Variants in HCN1 observed in about 807,000 individuals in gnomAD.
HCN1 encodes the protein potassium/sodium hyperpolarization-activated cyclic nucleotide-gated channel 1.
Under a neutral mutation model 78.9 loss-of-function variants are expected in HCN1, and 13 were observed. The ratio of observed to expected loss-of-function variants is 0.16; its 90% CI spans 0.11 to 0.26. The LOEUF (loss-of-function observed/expected upper bound fraction) is 0.26, where lower values mean the gene tolerates loss of function less well. HCN1 is among the 10% of genes least tolerant of loss of function. HCN1 has a pLI of 1.00. For synonymous variants in HCN1, 552 were observed against 455.5 expected (o/e 1.21, Z -2.70); for missense variants, 810 against 1,154.3 (o/e 0.70, Z 4.32).
At chr5:45,512,039 A>G (rs1170248737) in intron 2 of HCN1, among the ~76,000 whole-genome samples, 1 of 152,122 alleles carries the variant, frequency 6.6e-6, no homozygotes, top group Admixed American at 6.6e-5. Context: ...AGTTAAGGAT[A>G]AGATTATTCA....
intron 1 of HCN1, among the ~76,000 whole-genome samples, chr5:45,663,028 G>T (rs1215293256): frequency 6.9e-6 from 1 of 145,500 alleles, no homozygotes; most frequent in African/African-American, 2.6e-5. Flanking sequence ...AACAAAGCTG[G>T]AGGCATCACA....
At position 45,258,834 on chromosome 5, in the gene HCN1, C is replaced by T. The variant is rs1744673860; in HGVS notation, c.*3087G>A. 2 of 151,656 alleles carry T rather than the reference C, an allele frequency of 1.3e-5. No homozygotes were observed. Among genetic ancestry groups the T allele is most frequent in the Admixed American group, 6.6e-5 (1 of 15,226 alleles). 9.4% of individuals were successfully genotyped at this position (151,656 alleles called of 1,614,324 possible). On this transcript the variant is annotated 3_prime_UTR_variant, in exon 8 of 8. Transcript: ENST00000303230. ...TAGGTATGTTATAAAACTATTATAA[C>T]AAAATAGGTATGTCATAGAACTATT...
intron 1 of HCN1, among the ~76,000 whole-genome samples, chr5:45,667,755 TTA>T (rs1398095415): frequency 6.6e-6 from 1 of 151,962 alleles, no homozygotes; most frequent in Admixed American, 6.6e-5. Context: ...AGCTCTCTTG[TTA>T]TGTTTCAACT....
chr5:45,350,004 A>T (rs1000346481), intron 5 of HCN1, among the ~76,000 whole-genome samples: 7 of 152,188 alleles, frequency 4.6e-5, no homozygotes, highest in African/African-American at 1.7e-4. Context: ...AAAAGAGGGA[A>T]TCCTCCCTAA....
chr5:45,577,388 G>A (rs1743968644), intron 2 of HCN1, among the ~76,000 whole-genome samples: 1 of 151,892 alleles, frequency 6.6e-6, no homozygotes, highest in African/African-American at 2.4e-5. Context: ...TCAAAATGGG[G>A]AATTAGCTGT....
At position 45,695,989 on chromosome 5, in the gene HCN1, GGCCGCGGCCGGCCCCGCGCCC is replaced by G. The variant is rs1561248653; in HGVS notation, c.84_104del (p.Gly29_Ala35del). On this transcript the variant is annotated inframe_deletion, in exon 1 of 8. Coordinates refer to ENST00000303230, the MANE Select transcript of HCN1 (RefSeq NM_021072.4). ...CCGGCGGGGTGCCCAGGCGCTTCTCGGCCGCGGCCGGCCCCGCGCCCGTCGCGGACGCCTTGGCGGGGAAGA... is the reference window on the plus strand; with the variant it reads ...CCGGCGGGGTGCCCAGGCGCTTCTCGGTCGCGGACGCCTTGGCGGGGAAGA... 1 of 1,292,646 alleles carries G rather than the reference GGCCGCGGCCGGCCCCGCGCCC, an allele frequency of 7.7e-7. No homozygotes were observed. The highest frequency in any genetic ancestry group is 3.5e-5 in the Admixed American group (1 of 28,360). 80.1% of individuals were successfully genotyped at this position (1,292,646 alleles called of 1,614,324 possible). A position where few individuals can be genotyped will look rare whatever the true frequency, so the allele number is the denominator to read the frequency against.
intron 5 of HCN1, among the ~76,000 whole-genome samples, chr5:45,332,163 C>T (rs560015103): frequency 1.3e-5 from 2 of 151,296 alleles, no homozygotes; most frequent in South Asian, 2.1e-4. Flanking sequence ...CTAGCACAGG[C>T]ATCTTTCTAA....
intron 4 of HCN1, among the ~76,000 whole-genome samples, chr5:45,379,192 G>A (rs1034367656): frequency 2.6e-5 from 4 of 152,002 alleles, no homozygotes; most frequent in African/African-American, 7.2e-5. Context: ...TTGAGGAATC[G>A]CCACACTGTC....
chr5:45,497,309 G>A (rs1376334789), intron 2 of HCN1, among the ~76,000 whole-genome samples: 1 of 152,122 alleles, frequency 6.6e-6, no homozygotes, highest in Non-Finnish European at 1.5e-5. Flanking sequence ...GGGTGTTAAA[G>A]TCTCCCATTA....
chr5:45,695,565 C>T, intron 1 of HCN1, 104 bp downstream of exon 1: 3 of 1,192,572 alleles, frequency 2.5e-6, no homozygotes, highest in Non-Finnish European at 3.6e-6. Flanking sequence ...GCGCCACCCC[C>T]CGCCCGCCCT....
intron 2 of HCN1, among the ~76,000 whole-genome samples, chr5:45,602,613 G>A (rs1415722974): frequency 6.6e-6 from 1 of 152,044 alleles, no homozygotes; most frequent in Non-Finnish European, 1.5e-5. Flanking sequence ...TGAGAATATT[G>A]CTGCTTCTTA....
At chr5:45,416,526 A>C (rs895757708) in intron 3 of HCN1, among the ~76,000 whole-genome samples, 1 of 152,032 alleles carries the variant, frequency 6.6e-6, no homozygotes, top group Non-Finnish European at 1.5e-5. Flanking sequence ...CTGACATTGA[A>C]AGTAAAAAGT....
rs1478297290 is a variant in HCN1, at chr5:45,303,639, G to T, written c.1578C>A (p.Ser526=). Reference sequence around the variant, plus strand: ...CATCTGTCAGCTTCATTTCTTTACTGGATTTTGTAATGACACCAGCAACAC... The same window carrying T: ...CATCTGTCAGCTTCATTTCTTTACTTGATTTTGTAATGACACCAGCAACAC... ...QHGVAGVITK[S]SKEMKLTDGS... is the part of the protein sequence containing the mutation. The change falls in exon 6 of 8, where the codon TCC becomes TCA. Residue 526 remains serine (S), a synonymous_variant. Transcript: ENST00000303230. 13 of 1,613,174 alleles carry T rather than the reference G, an allele frequency of 8.1e-6. No homozygotes were observed. Among genetic ancestry groups the T allele is most frequent in the Non-Finnish European group, 1.1e-5 (13 of 1,179,602 alleles).
Position 45,306,483 on chromosome 5 carries a change from C to G in HCN1, c.1378-2644G>C, listed in dbSNP as rs960838724. On this transcript the variant is annotated intron_variant, in intron 5 of 7. Coordinates refer to ENST00000303230, the MANE Select transcript of HCN1 (RefSeq NM_021072.4). ...TCTATTAATGTTTTCTTCCTTCATG[C>G]AACTTTTACTTCCCAGGAGTATTAC... 2.1e-4 allele frequency among the ~76,000 whole-genome samples: 32 copies of G among 151,980 alleles called. 1 individual carries two copies. Among genetic ancestry groups the G allele is most frequent in the Admixed American group, 2.1e-3 (32 of 15,236 alleles).
intron 2 of HCN1, among the ~76,000 whole-genome samples, chr5:45,562,343 G>GA (rs368906153): frequency 1.1e-4 from 17 of 152,130 alleles, no homozygotes; most frequent in African/African-American, 2.4e-4. Flanking sequence ...TGATATCAGA[G>GA]AAAAAACCCT....
chr5:45,665,253 A>G (rs36164814), intron 1 of HCN1, among the ~76,000 whole-genome samples: 1 of 145,550 alleles, frequency 6.9e-6, no homozygotes, highest in Non-Finnish European at 1.5e-5. Flanking sequence ...AACAATGAGA[A>G]CACATGGACA....
In HCN1 at chr5:45,584,036, C is replaced by G. The variant is rs576772502; in HGVS notation, c.849+61149G>C. On this transcript the variant is annotated intron_variant, in intron 2 of 7. Transcript: ENST00000303230. ...TTGGGGTGGAGAGTTCTGTAGATGT[C>G]TATTAGGTCCGCTTGCTGCAGAGCT... 2.6e-5 allele frequency among the ~76,000 whole-genome samples: 4 copies of G among 152,206 alleles called. No individual in the cohort carries two copies. The South Asian group carries it at 8.3e-4, about 32-fold the overall frequency.
chr5:45,263,365 A>AT (rs761018457), intron 7 of HCN1, among the ~76,000 whole-genome samples: 52 of 152,064 alleles, frequency 3.4e-4, no homozygotes, highest in Non-Finnish European at 6.5e-4. Context: ...CAAAAAAAAA[A>AT]CATGGTTGGC....
chr5:45,462,792 C>A (rs1579910808), intron 2 of HCN1, among the ~76,000 whole-genome samples: 1 of 151,990 alleles, frequency 6.6e-6, no homozygotes, highest in Non-Finnish European at 1.5e-5. Flanking sequence ...GAAACAAATA[C>A]CCATCTTTAC....
Sources: gnomAD v4.1 joint callset for allele counts (sites outside exome capture counted in the v4.1 genomes callset) on GRCh38, gnomAD v4.1.1 for gene constraint, MANE v1.5 for transcripts, NCBI Gene and HGNC (gene_info 2026-07-23, HGNC 2026-07-21) for gene names.